The following SPIN1 variants were observed in gnomAD, a reference collection of about 807,000 sequenced individuals.
The protein encoded by SPIN1 is spindlin 1.
Under a neutral mutation model 26.0 loss-of-function variants are expected in SPIN1, and 3 were observed. The observed-to-expected ratio is 0.12, with a 90% CI of 0.05 to 0.30. The LOEUF is 0.30. Among genes scored for constraint, SPIN1 ranks in the 10% least tolerant of loss-of-function variants. The pLI is 1.00. For missense variants in SPIN1, 126 were observed against 333.4 expected, an observed-to-expected ratio of 0.38 and a Z score of 4.84; for synonymous variants, 101 against 116.5, an observed-to-expected ratio of 0.87 and a Z score of 0.86.
At chr9:88,447,563 G>A (rs957972106) in intron 2 of SPIN1, among the ~76,000 whole-genome samples, 1 of 152,112 alleles carries the variant, frequency 6.6e-6, no homozygotes, top group Non-Finnish European at 1.5e-5. Context: ...TTTATTGATT[G>A]CTCCAAGTGT....
In SPIN1 at chr9:88,432,354, A is replaced by G. The variant is rs1418997215; in HGVS notation, c.52+5763A>G. Among the ~76,000 whole-genome samples, 6 of 151,752 alleles carry G rather than the reference A, an allele frequency of 4.0e-5. No individual in the cohort carries two copies. In the East Asian group the frequency reaches 1.2e-3, roughly 29 times the overall value. On this transcript the variant is annotated intron_variant, in intron 2 of 5. Coordinates refer to ENST00000375859, the MANE Select transcript of SPIN1 (RefSeq NM_006717.3). ...CAGGCATGCGCTACTGCCCTGGCTA[A>G]TTTTTGTATTTTTAGTAGAGACAGG...
intron 2 of SPIN1, among the ~76,000 whole-genome samples, chr9:88,434,062 A>G (rs1827944246): frequency 6.6e-6 from 1 of 152,160 alleles, no homozygotes; most frequent in African/African-American, 2.4e-5. Flanking sequence ...GTTGGAAGTC[A>G]GGAAGTATGA....
chr9:88,417,160 A>C (rs868289355), intron 1 of SPIN1, among the ~76,000 whole-genome samples: 2 of 152,234 alleles, frequency 1.3e-5, no homozygotes, highest in African/African-American at 2.4e-5. Context: ...TCTAATATCT[A>C]TGCTCTGTAT....
At chr9:88,425,628 T>C (rs1331635282) in intron 1 of SPIN1, among the ~76,000 whole-genome samples, 1 of 151,534 alleles carries the variant, frequency 6.6e-6, no homozygotes, top group Non-Finnish European at 1.5e-5. Context: ...TGAGCCAAGG[T>C]TGCGCCACTG....
intron 1 of SPIN1, among the ~76,000 whole-genome samples, chr9:88,421,140 T>A (rs1827659500): frequency 6.6e-6 from 1 of 152,238 alleles, no homozygotes; most frequent in Non-Finnish European, 1.5e-5. Flanking sequence ...ACAGAAATTG[T>A]GAGTCTACCT....
chr9:88,457,747 T>A, intron 3 of SPIN1: 3 of 795,668 alleles, frequency 3.8e-6, no homozygotes, highest in Non-Finnish European at 4.6e-6. Context: ...TGCAAAAATC[T>A]AGCGTTTGTA....
chr9:88,423,327 A>AT (rs1317294416), intron 1 of SPIN1, among the ~76,000 whole-genome samples: 5 of 151,972 alleles, frequency 3.3e-5, no homozygotes, highest in African/African-American at 7.3e-5. Flanking sequence ...CTCAGGCAGA[A>AT]TTTTTTTTCT....
At chr9:88,398,667 G>T (rs543321478) in intron 1 of SPIN1, among the ~76,000 whole-genome samples, 1 of 151,292 alleles carries the variant, frequency 6.6e-6, no homozygotes, top group East Asian at 2.0e-4. Context: ...CCTCCGCCTC[G>T]TGGGATCAAG....
intron 3 of SPIN1, among the ~76,000 whole-genome samples, chr9:88,454,618 G>A (rs1252861403): frequency 6.6e-6 from 1 of 152,056 alleles, no homozygotes; most frequent in Admixed American, 6.5e-5. Context: ...TAAAAATATA[G>A]AGTAGTGTAT....
intron 1 of SPIN1, among the ~76,000 whole-genome samples, chr9:88,424,767 G>T (rs1045892987): frequency 1.3e-5 from 2 of 152,174 alleles, no homozygotes; most frequent in Non-Finnish European, 2.9e-5. Context: ...GAGAATAGAT[G>T]AAGTGTAGGG....
chr9:88,417,582 C>A (rs1371593927), intron 1 of SPIN1, among the ~76,000 whole-genome samples: 2 of 152,172 alleles, frequency 1.3e-5, no homozygotes, highest in African/African-American at 4.8e-5. Context: ...AAGCAATTTT[C>A]CTTTCTCAGC....
intron 1 of SPIN1, among the ~76,000 whole-genome samples, chr9:88,404,311 G>C (rs1827250386): frequency 6.6e-6 from 1 of 152,106 alleles, no homozygotes; most frequent in Admixed American, 6.6e-5. Flanking sequence ...TAAATTTATA[G>C]AAAAATTTTT....
At chr9:88,411,277 A>G (rs2117959791) in intron 1 of SPIN1, 1 of 1,195,862 alleles carries the variant, frequency 8.4e-7, no homozygotes, top group East Asian at 2.3e-5. Flanking sequence ...CCACAGTGGC[A>G]TATGTGACAA....
intron 2 of SPIN1, among the ~76,000 whole-genome samples, chr9:88,438,382 C>G (rs1406083284): frequency 6.6e-6 from 1 of 152,086 alleles, no homozygotes; most frequent in African/African-American, 2.4e-5. Flanking sequence ...TTACTGATTT[C>G]TAGTTTAATT....
intron 2 of SPIN1, among the ~76,000 whole-genome samples, chr9:88,426,968 C>T (rs1827775552): frequency 6.6e-6 from 1 of 152,074 alleles, no homozygotes; most frequent in Non-Finnish European, 1.5e-5. Flanking sequence ...CTTGGAATTT[C>T]TTGTGTTTAC....
chr9:88,410,511 C>A, intron 1 of SPIN1: 1 of 784,400 alleles, frequency 1.3e-6, no homozygotes, highest in East Asian at 2.5e-5. Flanking sequence ...TCCTCTCCTG[C>A]TAAGCTTTGT....
At chr9:88,388,625 G>C (rs1341868430) in intron 1 of SPIN1, 87 bp downstream of exon 1, 1 of 147,828 alleles carries the variant, frequency 6.8e-6, no homozygotes, top group Non-Finnish European at 1.5e-5. Flanking sequence ...CGGGGGCGCA[G>C]GTGAGCGCGG....
chr9:88,474,488 A>T (rs1053320469), intron 5 of SPIN1, among the ~76,000 whole-genome samples: 1 of 152,168 alleles, frequency 6.6e-6, no homozygotes, highest in Non-Finnish European at 1.5e-5. Context: ...TGGAAAGCTT[A>T]AATTTTGGAA....
At chr9:88,462,889 G>A (rs992713695) in intron 4 of SPIN1, 140 bp downstream of exon 4, 2 of 1,028,058 alleles carry the variant, frequency 1.9e-6, no homozygotes, top group East Asian at 2.7e-5. Flanking sequence ...TTAAATCACC[G>A]AAAACCACAA....
Sources: allele counts gnomAD v4.1 joint callset (sites outside exome capture counted in the v4.1 genomes callset), GRCh38; gene constraint gnomAD v4.1.1; transcripts MANE v1.5; gene names NCBI Gene and HGNC (gene_info 2026-07-23, HGNC 2026-07-21).